Variants in RBFOX1 observed in about 807,000 individuals in gnomAD.
RBFOX1 encodes RNA binding protein fox-1 homolog 1.
In RBFOX1, 8 loss-of-function variants were observed where a neutral mutation model predicts 57.7. That is an observed-to-expected ratio of 0.14 (90% confidence interval 0.08 to 0.25). The LOEUF (loss-of-function observed/expected upper bound fraction) is 0.25. Among genes scored for constraint, RBFOX1 ranks in the 10% least tolerant of loss-of-function variants. The probability of loss-of-function intolerance (pLI) is 1.00; values close to 1 mark genes in which losing one functional copy is unlikely to be tolerated. For missense variants in RBFOX1, 611 were observed against 548.5 expected, an observed-to-expected ratio of 1.11 and a Z score of -1.14; for synonymous variants, 326 against 222.4, an observed-to-expected ratio of 1.47 and a Z score of -4.15.
rs530098594 is a variant in RBFOX1 at position 5,313,932 on chromosome 16, A to C, written c.219+73827A>C. Among the ~76,000 whole-genome samples the C allele has an allele frequency of 1.2e-4, 18 of 152,254 alleles. No homozygotes were observed. In the South Asian group the frequency reaches 3.3e-3, roughly 28 times the overall value. On this transcript the variant is annotated intron_variant, in intron 1 of 2. Coordinates refer to the RBFOX1 transcript ENST00000585867. ...GGTGGTGATAGCCTGAGCTCCCATG[A>C]AATGTATGGGATGTTTTGTGTGTCC... is the stretch of plus-strand genomic sequence containing the variant.
At chr16:6,432,495 A>G (rs1402546990) in intron 2 of RBFOX1, among the ~76,000 whole-genome samples, 2 of 150,876 alleles carry the variant, frequency 1.3e-5, no homozygotes, top group Non-Finnish European at 3.0e-5. Context: ...AACAGGGTGT[A>G]ACCTCATCTT....
At chr16:7,004,646 C>G (rs1351244718) in intron 3 of RBFOX1, among the ~76,000 whole-genome samples, 2 of 152,182 alleles carry the variant, frequency 1.3e-5, no homozygotes, top group Non-Finnish European at 2.9e-5. Context: ...CATTGGTATT[C>G]CATTGTCTGG....
At chr16:5,552,167 G>C (rs6500695) in intron 2 of RBFOX1, among the ~76,000 whole-genome samples, 127,027 of 152,168 alleles carry the variant, frequency 0.83, 53,589 homozygotes, top group East Asian at 0.99. Context: ...CGAGCTCTCA[G>C]CATCAAAGGA....
intron 1 of RBFOX1, among the ~76,000 whole-genome samples, chr16:6,214,543 A>T (rs1447132750): frequency 1.2e-5 from 1 of 83,320 alleles, no homozygotes; most frequent in Non-Finnish European, 2.2e-5. Flanking sequence ...GGGGAGAAGG[A>T]GACAGGGAGA....
At chr16:6,537,928 A>ATT (rs545919190) in intron 2 of RBFOX1, among the ~76,000 whole-genome samples, 2 of 148,070 alleles carry the variant, frequency 1.4e-5, no homozygotes, top group African/African-American at 4.9e-5. Flanking sequence ...AAAGAGCAAG[A>ATT]TTTTTTTTTT....
intron 2 of RBFOX1, among the ~76,000 whole-genome samples, chr16:5,529,734 T>C (rs2044389167): frequency 6.6e-6 from 1 of 151,908 alleles, no homozygotes; most frequent in African/African-American, 2.4e-5. Flanking sequence ...GCCTGGCTAA[T>C]TTTTTGTATT....
intron 4 of RBFOX1, among the ~76,000 whole-genome samples, chr16:7,432,708 C>G (rs1177743625): frequency 6.6e-6 from 1 of 152,152 alleles, no homozygotes. Context: ...TGAATCTGGC[C>G]TATGGGCCAT....
At chr16:6,241,146 G>A (rs560815175) in intron 1 of RBFOX1, among the ~76,000 whole-genome samples, 61 of 152,300 alleles carry the variant, frequency 4.0e-4, no homozygotes, top group African/African-American at 3.8e-4. Context: ...GTAGAGGAAA[G>A]CCCAGCACCC....
intron 3 of RBFOX1, among the ~76,000 whole-genome samples, chr16:5,686,947 G>T (rs528062611): frequency 7.2e-5 from 11 of 152,228 alleles, no homozygotes; most frequent in African/African-American, 2.4e-4. Flanking sequence ...CTTCATCTTT[G>T]TAGAAAATTC....
chr16:5,524,604 G>C (rs1049268799), intron 2 of RBFOX1, among the ~76,000 whole-genome samples: 1 of 150,928 alleles, frequency 6.6e-6, no homozygotes, highest in African/African-American at 2.4e-5. Context: ...GCAGTGGTGC[G>C]ATCTTGGCTC....
intron 4 of RBFOX1, among the ~76,000 whole-genome samples, chr16:7,073,623 C>A (rs182207500): frequency 5.3e-5 from 8 of 152,060 alleles, no homozygotes; most frequent in African/African-American, 9.7e-5. Flanking sequence ...GTGAGTGGAG[C>A]ACTTGAGCCC....
At chr16:7,143,402 G>A (rs780223021) in intron 4 of RBFOX1, among the ~76,000 whole-genome samples, 2 of 151,974 alleles carry the variant, frequency 1.3e-5, no homozygotes, top group Non-Finnish European at 2.9e-5. Context: ...AATGGTGTGG[G>A]GTGTGAGATT....
At chr16:6,874,169 T>G (rs138100100) in intron 3 of RBFOX1, among the ~76,000 whole-genome samples, 2 of 86,864 alleles carry the variant, frequency 2.3e-5, no homozygotes, top group Non-Finnish European at 4.1e-5. Context: ...ATAAAGAAAC[T>G]ATGGTGTGTG....
intron 4 of RBFOX1, among the ~76,000 whole-genome samples, chr16:5,923,040 C>G (rs1256431307): frequency 6.6e-6 from 1 of 152,144 alleles, no homozygotes; most frequent in Non-Finnish European, 1.5e-5. Flanking sequence ...AGGGGACTCT[C>G]CACAAGGCCT....
chr16:6,711,566 C>G (rs1219947534), intron 3 of RBFOX1, among the ~76,000 whole-genome samples: 2 of 152,206 alleles, frequency 1.3e-5, no homozygotes, highest in East Asian at 3.9e-4. Context: ...TGCCCTCACT[C>G]TCTGTCTCTC....
At chr16:7,663,958 C>T (rs1441476251) in intron 12 of RBFOX1, among the ~76,000 whole-genome samples, 1 of 152,200 alleles carries the variant, frequency 6.6e-6, no homozygotes, top group African/African-American at 2.4e-5. Flanking sequence ...CATTCCCTAA[C>T]CCCTGTCCCC....
intron 3 of RBFOX1, among the ~76,000 whole-genome samples, chr16:5,849,764 T>C (rs946629592): frequency 9.9e-5 from 15 of 152,158 alleles, no homozygotes; most frequent in African/African-American, 3.1e-4. Context: ...CTGTATGATC[T>C]TGAGTGTGCA....
At chr16:7,164,590 C>G (rs1305771170) in intron 4 of RBFOX1, among the ~76,000 whole-genome samples, 2 of 152,194 alleles carry the variant, frequency 1.3e-5, no homozygotes, top group Non-Finnish European at 2.9e-5. Context: ...ATCCTCTTGT[C>G]TAGAGAAAAC....
At chr16:6,619,144 G>A (rs578237249) in intron 2 of RBFOX1, among the ~76,000 whole-genome samples, 15 of 151,038 alleles carry the variant, frequency 9.9e-5, no homozygotes, top group Middle Eastern at 3.4e-3. Context: ...GCTACAGACC[G>A]CTGACATGTT....
Sources: gnomAD v4.1 joint callset for allele counts (sites outside exome capture counted in the v4.1 genomes callset) on GRCh38, gnomAD v4.1.1 for gene constraint, MANE v1.5 for transcripts, NCBI Gene and HGNC (gene_info 2026-07-23, HGNC 2026-07-21) for gene names.